GRID2: variants seen among roughly 807,000 people sequenced by gnomAD.
The protein encoded by GRID2 is glutamate receptor ionotropic, delta-2.
GRID2 carries 33 observed loss-of-function variants against 114.8 expected under a neutral mutation model. The observed-to-expected ratio is 0.29, with a 90% CI of 0.22 to 0.38. The LOEUF is 0.38. GRID2 is among the 10% of genes least tolerant of loss of function. The pLI is 1.00. For missense variants in GRID2, 1,184 were observed against 1,257.7 expected, an observed-to-expected ratio of 0.94 and a Z score of 0.89; for synonymous variants, 505 against 449.9, an observed-to-expected ratio of 1.12 and a Z score of -1.55.
intron 4 of GRID2, among the ~76,000 whole-genome samples, chr4:93,133,627 A>G (rs1018377972): frequency 1.3e-5 from 2 of 152,194 alleles, no homozygotes; most frequent in African/African-American, 4.8e-5. Flanking sequence ...GAAGATTTAA[A>G]TGGATTTTTT....
At chr4:93,042,283 CTCTCTCTCTCTCTCTCTA>C (rs1448344808) in intron 2 of GRID2, among the ~76,000 whole-genome samples, 2 of 80,232 alleles carry the variant, frequency 2.5e-5, no homozygotes, top group Non-Finnish European at 5.1e-5. Flanking sequence ...CTTTCTCTCT[CTCTCTCTCTCTCTCTCTA>C]TATATATATA....
intron 14 of GRID2, among the ~76,000 whole-genome samples, chr4:93,655,378 T>A (rs1418231865): frequency 6.6e-6 from 1 of 152,194 alleles, no homozygotes; most frequent in African/African-American, 2.4e-5. Flanking sequence ...CTTCATATGT[T>A]TCTCCACATA....
At chr4:92,861,756 C>A (rs1210050609) in intron 2 of GRID2, among the ~76,000 whole-genome samples, 3 of 151,946 alleles carry the variant, frequency 2.0e-5, no homozygotes, top group Admixed American at 1.3e-4. Flanking sequence ...TAAGAAGTAA[C>A]TAATCAGACT....
At chr4:92,638,416 G>A (rs1731179589) in intron 2 of GRID2, among the ~76,000 whole-genome samples, 1 of 145,986 alleles carries the variant, frequency 6.8e-6, no homozygotes, top group Admixed American at 6.9e-5. Flanking sequence ...GTACATACAA[G>A]GGACAAAATT....
chr4:92,732,678 T>C (rs1365568667), intron 2 of GRID2, among the ~76,000 whole-genome samples: 1 of 152,110 alleles, frequency 6.6e-6, no homozygotes, highest in Non-Finnish European at 1.5e-5. Flanking sequence ...TTATCATTCC[T>C]TCTTAGAATT....
At chr4:92,402,557 G>A (rs755218742) in intron 1 of GRID2, among the ~76,000 whole-genome samples, 1 of 152,208 alleles carries the variant, frequency 6.6e-6, no homozygotes, top group Non-Finnish European at 1.5e-5. Context: ...TGGATGACCA[G>A]ATCCACTGCA....
rs971773609 is a variant in GRID2, at chr4:92,483,144, C to A, written c.89-106987C>A. ...CACAAGGTCAGGAGTTAGAAACCAG[C>A]CTGGCCAATATGGCGAAAACCTGTC... On this transcript the variant is annotated intron_variant, in intron 1 of 15. Transcript: ENST00000282020. 2.6e-5 allele frequency among the ~76,000 whole-genome samples: 4 copies of A among 152,074 alleles called. No homozygotes were observed. In the South Asian group the frequency reaches 8.3e-4, roughly 32 times the overall value.
At chr4:93,648,063 C>T (rs1463617626) in intron 14 of GRID2, among the ~76,000 whole-genome samples, 4 of 152,126 alleles carry the variant, frequency 2.6e-5, no homozygotes, top group African/African-American at 9.7e-5. Context: ...AATCTGACTT[C>T]AGCTGTCATG....
intron 1 of GRID2, among the ~76,000 whole-genome samples, chr4:92,585,805 G>A (rs12508403): frequency 0.38 from 57,541 of 151,418 alleles, 10,931 homozygotes; most frequent in Middle Eastern, 0.46. Flanking sequence ...AAACTAAAAT[G>A]CAAGTTTTTA....
intron 7 of GRID2, among the ~76,000 whole-genome samples, chr4:93,231,028 T>C (rs1412722009): frequency 6.6e-6 from 1 of 152,032 alleles, no homozygotes; most frequent in Non-Finnish European, 1.5e-5. Context: ...TGAGCTGTTC[T>C]GGAAAAAAGT....
At chr4:92,674,604 C>T (rs935995997) in intron 2 of GRID2, among the ~76,000 whole-genome samples, 2 of 152,078 alleles carry the variant, frequency 1.3e-5, no homozygotes, top group Non-Finnish European at 2.9e-5. Context: ...CTCACTGCAA[C>T]CTCCGCCTCC....
intron 2 of GRID2, among the ~76,000 whole-genome samples, chr4:92,786,642 T>A (rs1365908985): frequency 1.3e-5 from 2 of 151,938 alleles, no homozygotes; most frequent in Non-Finnish European, 2.9e-5. Context: ...AGGTAGATTT[T>A]AGGGTGCTGG....
chr4:92,479,666 G>T (rs1160341520), intron 1 of GRID2, among the ~76,000 whole-genome samples: 1 of 152,126 alleles, frequency 6.6e-6, no homozygotes, highest in Non-Finnish European at 1.5e-5. Context: ...TTATTGAGGA[G>T]TATTCTTCAG....
chr4:92,781,745 G>C (rs746822159), intron 2 of GRID2, among the ~76,000 whole-genome samples: 9 of 151,808 alleles, frequency 5.9e-5, no homozygotes, highest in Non-Finnish European at 1.2e-4. Flanking sequence ...ATTGATCATA[G>C]TGCTGTTTAC....
At position 92,935,089 on chromosome 4, in the gene GRID2, G is replaced by T. The variant is rs983241556; in HGVS notation, c.245-149906G>T. On this transcript the variant is annotated intron_variant, in intron 2 of 15. Transcript: ENST00000282020. Reference sequence around the variant, plus strand: ...TGCACAGCAGAAGAAACTAGCATCAGAGTGAACAGGCAACCTACAAAATGG... The same window carrying T: ...TGCACAGCAGAAGAAACTAGCATCATAGTGAACAGGCAACCTACAAAATGG... Among the ~76,000 whole-genome samples the T allele has an allele frequency of 4.1e-5, 6 of 146,720 alleles. 1 individual carries two copies. The highest frequency in any genetic ancestry group is 1.5e-4 in the African/African-American group (6 of 41,122).
At chr4:92,776,078 T>C in intron 2 of GRID2, among the ~76,000 whole-genome samples, 1 of 152,190 alleles carries the variant, frequency 6.6e-6, no homozygotes, top group East Asian at 1.9e-4. Flanking sequence ...AGATTAAAAC[T>C]TTTATTCCTT....
intron 11 of GRID2, among the ~76,000 whole-genome samples, chr4:93,465,359 C>G (rs1048881410): frequency 6.6e-6 from 1 of 152,188 alleles, no homozygotes; most frequent in Non-Finnish European, 1.5e-5. Flanking sequence ...TTTCTTTTAT[C>G]TATAAAAATG....
At chr4:92,399,257 G>A (rs1025118424) in intron 1 of GRID2, among the ~76,000 whole-genome samples, 2 of 152,134 alleles carry the variant, frequency 1.3e-5, no homozygotes, top group African/African-American at 4.8e-5. Flanking sequence ...CAGAAGTGAG[G>A]TGAGTCACAT....
intron 8 of GRID2, among the ~76,000 whole-genome samples, chr4:93,266,684 G>A (rs1234824434): frequency 6.6e-6 from 1 of 152,124 alleles, no homozygotes; most frequent in African/African-American, 2.4e-5. Flanking sequence ...AAAGTGCTGG[G>A]ATTACAGGTG....
Sources: gnomAD v4.1 joint callset for allele counts (sites outside exome capture counted in the v4.1 genomes callset) on GRCh38, gnomAD v4.1.1 for gene constraint, MANE v1.5 for transcripts, NCBI Gene and HGNC (gene_info 2026-07-23, HGNC 2026-07-21) for gene names.